The following FRMD5 variants were observed in gnomAD, a reference collection of about 807,000 sequenced individuals.
FRMD5 encodes the protein FERM domain-containing protein 5.
Under a neutral mutation model 69.0 loss-of-function variants are expected in FRMD5, and 20 were observed. That is an observed-to-expected ratio of 0.29 (90% CI 0.20 to 0.42). FRMD5 has a LOEUF of 0.42. FRMD5 is among the 10% of genes least tolerant of loss of function. The pLI, the probability that FRMD5 is intolerant of heterozygous loss-of-function variation, is 1.00. For missense variants in FRMD5, 595 were observed against 708.6 expected (o/e 0.84, Z 1.82); for synonymous variants, 271 against 260.1 (o/e 1.04, Z -0.40).
chr15:44,047,317 G>A (rs566284848), intron 1 of FRMD5, among the ~76,000 whole-genome samples: 1 of 151,920 alleles, frequency 6.6e-6, no homozygotes, highest in East Asian at 1.9e-4. Flanking sequence ...AAAAAAGAGG[G>A]GAGGGGAGAG....
At chr15:44,118,985 C>T (rs1305601219) in intron 1 of FRMD5, among the ~76,000 whole-genome samples, 1 of 152,084 alleles carries the variant, frequency 6.6e-6, no homozygotes, top group African/African-American at 2.4e-5. Context: ...ATTTTTTAGA[C>T]AGGGTCTTGC....
At chr15:44,192,047 C>T (rs1298047451) in intron 1 of FRMD5, among the ~76,000 whole-genome samples, 1 of 151,324 alleles carries the variant, frequency 6.6e-6, no homozygotes, top group African/African-American at 2.4e-5. Context: ...TAACAATGTT[C>T]TTCACAGGGG....
chr15:44,084,755 C>T (rs925010551), intron 1 of FRMD5, among the ~76,000 whole-genome samples: 1 of 151,980 alleles, frequency 6.6e-6, no homozygotes, highest in Admixed American at 6.6e-5. Context: ...TGTGTTGTAT[C>T]TCAAATTTGT....
Position 44,195,050 on chromosome 15 carries a change from AGCATCTTCCCGCCCGCCC to A in FRMD5, c.-14_4del. The A allele has an allele frequency of 1.3e-6, 2 of 1,538,036 alleles. No homozygotes were observed. The highest frequency in any genetic ancestry group is 1.7e-6 in the Non-Finnish European group (2 of 1,147,666). Reference sequence around the variant, plus strand: ...GCTGCTGCCGCTCATCAACCTGCTCAGCATCTTCCCGCCCGCCCGCCCGGGAGCGACGCGGCGGCGCTG... The same window carrying A: ...GCTGCTGCCGCTCATCAACCTGCTCAGCCCGGGAGCGACGCGGCGGCGCTG... On this transcript the variant is annotated start_lost and 5_prime_UTR_variant, in exon 1 of 14. Transcript: ENST00000417257.
intron 6 of FRMD5, among the ~76,000 whole-genome samples, chr15:43,902,689 C>CAAAAAAA (rs5812254): frequency 8.9e-6 from 1 of 112,836 alleles, no homozygotes. Context: ...GACCCTGTCT[C>CAAAAAAA]AAAAAAAAAA....
chr15:44,015,239 G>T (rs1293398686), intron 1 of FRMD5, among the ~76,000 whole-genome samples: 1 of 151,616 alleles, frequency 6.6e-6, no homozygotes, highest in Non-Finnish European at 1.5e-5. Flanking sequence ...GGGCTCAAGT[G>T]ATCCTCCTGC....
chr15:44,098,472 C>T (rs1017451480), intron 1 of FRMD5, among the ~76,000 whole-genome samples: 3 of 150,810 alleles, frequency 2.0e-5, no homozygotes, highest in African/African-American at 7.3e-5. Flanking sequence ...TTGCAGTGAG[C>T]CGAGATCATG....
intron 1 of FRMD5, among the ~76,000 whole-genome samples, chr15:44,161,844 C>T (rs2077620694): frequency 6.6e-6 from 1 of 152,204 alleles, no homozygotes; most frequent in Non-Finnish European, 1.5e-5. Context: ...TTGAATTCAG[C>T]TGAGACTTTT....
chr15:44,151,427 A>G (rs1440391634), intron 1 of FRMD5, among the ~76,000 whole-genome samples: 1 of 151,708 alleles, frequency 6.6e-6, no homozygotes, highest in African/African-American at 2.4e-5. Context: ...AAAGAAAGAA[A>G]AAAGAATTAA....
intron 1 of FRMD5, among the ~76,000 whole-genome samples, chr15:44,031,734 G>GT (rs922085185): frequency 6.6e-6 from 1 of 152,124 alleles, no homozygotes; most frequent in Non-Finnish European, 1.5e-5. Flanking sequence ...ACGTAGTCCA[G>GT]TATTTGGTGG....
intron 1 of FRMD5, among the ~76,000 whole-genome samples, chr15:44,176,508 A>T (rs1365956741): frequency 6.6e-6 from 1 of 152,176 alleles, no homozygotes; most frequent in Admixed American, 6.6e-5. Flanking sequence ...AAGCACAAGC[A>T]ATAAAAAATA....
chr15:44,181,729 C>G (rs2078004915), intron 1 of FRMD5, among the ~76,000 whole-genome samples: 1 of 151,970 alleles, frequency 6.6e-6, no homozygotes, highest in Non-Finnish European at 1.5e-5. Context: ...TAGCAGGACT[C>G]TGTCTCTACA....
intron 1 of FRMD5, chr15:44,101,326 G>A (rs1414459929): frequency 6.6e-6 from 1 of 152,602 alleles, no homozygotes; most frequent in Non-Finnish European, 1.5e-5. Flanking sequence ...ATAGCAGGCA[G>A]GGTATGAAAT....
intron 1 of FRMD5, among the ~76,000 whole-genome samples, chr15:44,135,865 G>A (rs117002698): frequency 0.015 from 2,225 of 150,866 alleles, 45 homozygotes; most frequent in Non-Finnish European, 0.018. Context: ...AGGCAACAAG[G>A]AGACAAGTTA....
intron 13 of FRMD5, among the ~76,000 whole-genome samples, chr15:43,875,533 A>G (rs1391344386): frequency 6.6e-6 from 1 of 151,586 alleles, no homozygotes; most frequent in Non-Finnish European, 1.5e-5. Context: ...GTTGGAATGC[A>G]GTGGTGCAAT....
intron 1 of FRMD5, among the ~76,000 whole-genome samples, chr15:44,184,856 CATA>C (rs927551117): frequency 2.6e-5 from 4 of 152,006 alleles, no homozygotes; most frequent in African/African-American, 9.7e-5. Context: ...AAAAATAGTC[CATA>C]ATATTTTATA....
chr15:44,110,010 GTTTA>G (rs1057009621), intron 1 of FRMD5, among the ~76,000 whole-genome samples: 31 of 152,080 alleles, frequency 2.0e-4, no homozygotes, highest in African/African-American at 6.8e-4. Flanking sequence ...GTGTACCATG[GTTTA>G]TTTATTTATT....
rs74009177 is a variant in FRMD5, at chr15:44,164,842, C to G, written c.102+30111G>C. ...GAAGCAGCTAAGACAGCTGCACCAC[C>G]AGTATGAAGTGCACAGGGGCAGATG... On this transcript the variant is annotated intron_variant, in intron 1 of 13. Coordinates refer to ENST00000417257, the MANE Select transcript of FRMD5 (RefSeq NM_032892.5). Among the ~76,000 whole-genome samples the G allele has an allele frequency of 4.3e-3, 648 of 152,278 alleles. 3 individuals are homozygous for G. The highest frequency in any genetic ancestry group is 0.015 in the African/African-American group (625 of 41,554).
rs2088249528 is a variant in FRMD5 at position 43,874,138 on chromosome 15, C to T, written c.1460G>A (p.Ser487Asn). 6.2e-7 allele frequency: 1 copy of T among 1,614,130 alleles called. No homozygotes were observed. Among genetic ancestry groups the T allele is most frequent in the Non-Finnish European group, 8.5e-7 (1 of 1,180,058 alleles). Residue 487 changes from serine (S) to asparagine (N), a missense_variant, in exon 14 of 14, where the codon AGC (serine) becomes AAC (asparagine). By Grantham distance (46) the Ser-to-Asn change is conservative. This residue lies in a region of FRMD5 where 245 missense variants were observed against 227.1 expected (regional missense o/e 1.08). Transcript: ENST00000417257. ...GELRALCQGH[S>N]GPEEEQVNKF... ...ATTCACCTGTTCCTCCTCGGGCCCG[C>T]TGTGCCCCTGACACAGGGCCCTCAG... is the stretch of plus-strand genomic sequence containing the variant.
Sources: allele counts gnomAD v4.1 joint callset (sites outside exome capture counted in the v4.1 genomes callset), GRCh38; gene constraint gnomAD v4.1.1; regional missense constraint gnomAD v4.1.1; transcripts MANE v1.5; gene names NCBI Gene and HGNC (gene_info 2026-07-23, HGNC 2026-07-21).